LMX1A: variants seen among roughly 807,000 people sequenced by gnomAD.
LMX1A encodes the protein LIM homeobox transcription factor 1-alpha.
In LMX1A, 15 loss-of-function variants were observed where a neutral mutation model predicts 49.1. The observed-to-expected ratio is 0.31, with a 90% CI of 0.20 to 0.47. The LOEUF (loss-of-function observed/expected upper bound fraction) is 0.47. Among genes scored for constraint, LMX1A ranks in the 20% least tolerant of loss-of-function variants. The probability of loss-of-function intolerance (pLI) is 1.00; values close to 1 mark genes in which losing one functional copy is unlikely to be tolerated. For missense variants in LMX1A, 372 were observed against 475.8 expected (o/e 0.78, Z 2.03); for synonymous variants, 167 against 185.7 (o/e 0.90, Z 0.82).
At chr1:165,270,030 A>C (rs1245401480) in intron 3 of LMX1A, among the ~76,000 whole-genome samples, 1 of 152,126 alleles carries the variant, frequency 6.6e-6, no homozygotes, top group Non-Finnish European at 1.5e-5. Context: ...AATCCTGCAC[A>C]TGCACCCCAA....
intron 3 of LMX1A, among the ~76,000 whole-genome samples, chr1:165,313,662 G>A (rs904370675): frequency 6.6e-6 from 1 of 151,970 alleles, no homozygotes; most frequent in Non-Finnish European, 1.5e-5. Context: ...CAGAGCCCAC[G>A]AAGGAGCTGG....
intron 4 of LMX1A, among the ~76,000 whole-genome samples, chr1:165,226,562 GA>G (rs941556833): frequency 1.3e-5 from 2 of 152,172 alleles, no homozygotes; most frequent in African/African-American, 4.8e-5. Context: ...CGGCAAACAA[GA>G]AAAAAACTTG....
intron 4 of LMX1A, among the ~76,000 whole-genome samples, chr1:165,219,760 C>G (rs1451970155): frequency 6.6e-6 from 1 of 152,226 alleles, no homozygotes; most frequent in East Asian, 1.9e-4. Flanking sequence ...TTTACTCTTA[C>G]ACTTAGCACT....
chr1:165,275,857 G>GTGTA lies in LMX1A; in HGVS notation c.264-26218_264-26217insTACA, dbSNP rs1653951922. ...CTGGGGTGTGTGTGTATGTGTGTGTGTGTGTGTGTGTGTGTGTGTGTGTGT... is the reference window on the plus strand; with the variant it reads ...CTGGGGTGTGTGTGTATGTGTGTGTGTGTATGTGTGTGTGTGTGTGTGTGTGTGT... On this transcript the variant is annotated intron_variant, in intron 3 of 8. Transcript: ENST00000342310. Among the ~76,000 whole-genome samples the GTGTA allele has an allele frequency of 2.8e-5, 4 of 144,934 alleles. No homozygotes were observed. The South Asian group carries it at 8.4e-4, about 31-fold the overall frequency.
intron 3 of LMX1A, among the ~76,000 whole-genome samples, chr1:165,298,253 C>G (rs577903903): frequency 1.0e-3 from 155 of 152,350 alleles, no homozygotes; most frequent in African/African-American, 3.7e-3. Flanking sequence ...GAGATGAGAG[C>G]TGATTTACTG....
intron 3 of LMX1A, among the ~76,000 whole-genome samples, chr1:165,301,976 C>T (rs576099748): frequency 6.6e-6 from 1 of 152,120 alleles, no homozygotes; most frequent in Non-Finnish European, 1.5e-5. Flanking sequence ...AAACATCATT[C>T]GTCTTCTTGT....
intron 4 of LMX1A, among the ~76,000 whole-genome samples, chr1:165,222,831 T>G (rs1281627991): frequency 6.6e-6 from 1 of 152,134 alleles, no homozygotes; most frequent in Non-Finnish European, 1.5e-5. Context: ...CAGACTCCAG[T>G]CCATTCCATA....
Position 165,355,855 on chromosome 1 carries a change from C to T in LMX1A, c.-22-274G>A. ...CTCCTTCTCCTGCCCCCCTCACCCC[C>T]ACCTACATCCCTTGCCCCAGGTTTT... On this transcript the variant is annotated intron_variant, in intron 1 of 8. Transcript: ENST00000342310. The surrounding 1 kb of genome is among the most constrained non-coding windows in gnomAD (Gnocchi z 4.7). The T allele has an allele frequency of 2.2e-6, 1 of 452,594 alleles. No homozygotes were observed. Among genetic ancestry groups the T allele is most frequent in the South Asian group, 3.0e-5 (1 of 32,870 alleles). 28.0% of individuals were successfully genotyped at this position (452,594 alleles called of 1,614,324 possible). A position where few individuals can be genotyped will look rare whatever the true frequency, so the allele number is the denominator to read the frequency against.
At chr1:165,205,121 C>A (rs1409383693) in intron 8 of LMX1A, among the ~76,000 whole-genome samples, 1 of 152,122 alleles carries the variant, frequency 6.6e-6, no homozygotes, top group Non-Finnish European at 1.5e-5. Flanking sequence ...TCAGTGTAAT[C>A]TATCAGATTA....
intron 4 of LMX1A, among the ~76,000 whole-genome samples, chr1:165,221,092 CT>C (rs1651824937): frequency 6.6e-6 from 1 of 152,092 alleles, no homozygotes; most frequent in Non-Finnish European, 1.5e-5. Flanking sequence ...GTAAGGTGAT[CT>C]TTTGCCCAAG....
intron 3 of LMX1A, among the ~76,000 whole-genome samples, chr1:165,324,989 A>G (rs912003267): frequency 3.9e-5 from 6 of 152,238 alleles, no homozygotes; most frequent in Non-Finnish European, 7.3e-5. Flanking sequence ...GCACTGCTAC[A>G]AAGTCTTCCT....
At chr1:165,305,596 G>A (rs12135437) in intron 3 of LMX1A, among the ~76,000 whole-genome samples, 20,946 of 152,138 alleles carry the variant, frequency 0.14, 1,440 homozygotes, top group Middle Eastern at 0.22. Flanking sequence ...ACAGCTCCTG[G>A]GCAGAGCTTA....
At chr1:165,313,975 G>A (rs1409103127) in intron 3 of LMX1A, among the ~76,000 whole-genome samples, 1 of 152,190 alleles carries the variant, frequency 6.6e-6, no homozygotes, top group Non-Finnish European at 1.5e-5. Context: ...GGCTGAGCTC[G>A]GTAGCTGAGG....
chr1:165,279,484 C>A lies in LMX1A; in HGVS notation c.264-29844G>T, dbSNP rs1050711586. On this transcript the variant is annotated intron_variant, in intron 3 of 8. Transcript: ENST00000342310. ...AGAGAAGATCCAAGAGAGAAACTGG[C>A]ATTAATTCCATCTACAATGCCATCT... Among the ~76,000 whole-genome samples, 15 of 152,260 alleles carry A rather than the reference C, an allele frequency of 9.9e-5. No individual in the cohort carries two copies. The Middle Eastern group carries it at 0.01, about 104-fold the overall frequency.
intron 4 of LMX1A, among the ~76,000 whole-genome samples, chr1:165,220,884 G>A (rs779698316): frequency 3.3e-5 from 5 of 152,110 alleles, no homozygotes; most frequent in Non-Finnish European, 7.4e-5. Context: ...GTGTGCCCTT[G>A]GATAAAATTC....
chr1:165,316,914 T>C (rs953858975), intron 3 of LMX1A, among the ~76,000 whole-genome samples: 1 of 152,156 alleles, frequency 6.6e-6, no homozygotes, highest in African/African-American at 2.4e-5. Flanking sequence ...CTTTGAGACA[T>C]GTACATTTTC....
chr1:165,286,043 C>T lies in LMX1A; in HGVS notation c.264-36403G>A, dbSNP rs148852506. Among the ~76,000 whole-genome samples the T allele has an allele frequency of 5.4e-4, 82 of 152,296 alleles. 3 individuals carry two copies. The East Asian group carries it at 0.014, about 25-fold the overall frequency. On this transcript the variant is annotated intron_variant, in intron 3 of 8. Coordinates refer to ENST00000342310, the MANE Select transcript of LMX1A (RefSeq NM_177398.4). Reference sequence around the variant, plus strand: ...GCAAGACCCCTGAGTGGTTGCTGTACAGGGGGAAGTGGAATTGGCATGAGG... The same window carrying T: ...GCAAGACCCCTGAGTGGTTGCTGTATAGGGGGAAGTGGAATTGGCATGAGG...
At chr1:165,338,062 C>T (rs906270) in intron 3 of LMX1A, among the ~76,000 whole-genome samples, 120,939 of 151,976 alleles carry the variant, frequency 0.8, 48,494 homozygotes, top group Middle Eastern at 0.91. Flanking sequence ...AAAATACTAT[C>T]CAATCCTAAG....
chr1:165,341,651 C>T (rs770008735), intron 3 of LMX1A, among the ~76,000 whole-genome samples: 17 of 151,744 alleles, frequency 1.1e-4, no homozygotes, highest in Admixed American at 9.8e-4. Context: ...ATGAATAGCA[C>T]ATAGTAATAC....
Sources: gnomAD v4.1 joint callset for allele counts (sites outside exome capture counted in the v4.1 genomes callset) on GRCh38, gnomAD v4.1.1 for gene constraint, Gnocchi (gnomAD v3.1) non-coding constraint, MANE v1.5 for transcripts, NCBI Gene and HGNC (gene_info 2026-07-23, HGNC 2026-07-21) for gene names.